TGFBRAP1: variants seen among roughly 807,000 people sequenced by gnomAD.
The protein encoded by TGFBRAP1 is transforming growth factor beta receptor associated protein 1, also known as transforming growth factor-beta receptor-associated protein 1.
A neutral mutation model predicts 83.2 loss-of-function variants in TGFBRAP1; 20 were observed. That is an observed-to-expected ratio of 0.24 (90% CI 0.17 to 0.35). The LOEUF (loss-of-function observed/expected upper bound fraction) is 0.35, where lower values mean the gene tolerates loss of function less well. Ranked by LOEUF, TGFBRAP1 falls within the 10% of genes least tolerant of loss-of-function variation. The pLI, the probability that TGFBRAP1 is intolerant of heterozygous loss-of-function variation, is 1.00. For missense variants in TGFBRAP1, 950 were observed against 1,099.4 expected (o/e 0.86, Z 1.92); for synonymous variants, 415 against 459.8 (o/e 0.90, Z 1.25).
chr2:105,251,473 T>A, the TGFBRAP1 span, among the ~76,000 whole-genome samples: 406 of 149,870 alleles, frequency 2.7e-3, 3 homozygotes, highest in African/African-American at 9.2e-3. Flanking sequence ...GTCTGAGAAG[T>A]GAGGAGCGTC....
the TGFBRAP1 span, among the ~76,000 whole-genome samples, chr2:105,250,765 T>C: frequency 4.6e-5 from 7 of 152,280 alleles, no homozygotes; most frequent in East Asian, 1.4e-3. Context: ...CTGATTCTCC[T>C]GCCTCAGCCT....
chr2:105,313,820 C>G (rs1678766602), intron 1 of TGFBRAP1, among the ~76,000 whole-genome samples: 1 of 151,676 alleles, frequency 6.6e-6, no homozygotes, highest in Admixed American at 6.6e-5. Flanking sequence ...TCAAAAGATT[C>G]AGAAAAAGCA....
chr2:105,296,093 T>C (rs964772194), intron 4 of TGFBRAP1, among the ~76,000 whole-genome samples: 11 of 152,178 alleles, frequency 7.2e-5, no homozygotes, highest in African/African-American at 2.7e-4. Flanking sequence ...CAAGCCTATA[T>C]CTAAAATAGC....
In TGFBRAP1 at chr2:105,267,254, G is replaced by C; in HGVS notation, c.*129C>G. 2.3e-6 allele frequency: 3 copies of C among 1,278,658 alleles called. No homozygotes were observed. The highest frequency in any genetic ancestry group is 3.2e-6 in the Non-Finnish European group (3 of 940,180). The allele number at this position is 1,278,658 out of a possible 1,614,324, so 79.2% of individuals were successfully genotyped here. ...GAGGAGTCCTTGTTGCGTATGGACG[G>C]AAGGCTCCCTGGCACCCAGATGTCT... is the stretch of plus-strand genomic sequence containing the variant. On this transcript the variant is annotated 3_prime_UTR_variant, in exon 12 of 12. Transcript: ENST00000393359.
chr2:105,272,775 C>T (rs889740886), intron 10 of TGFBRAP1, 80 bp downstream of exon 10: 38 of 1,561,818 alleles, frequency 2.4e-5, no homozygotes, highest in African/African-American at 6.9e-5. Context: ...GCAGCTGTGC[C>T]AAAGCCCTTC....
Position 105,269,578 on chromosome 2 carries a change from G to A in TGFBRAP1, c.2100C>T (p.Cys700=), listed in dbSNP as rs1428941837. Residue 700 remains cysteine (C), a synonymous_variant, in exon 11 of 12, where the codon TGC becomes TGT. Coordinates refer to ENST00000393359, the MANE Select transcript of TGFBRAP1 (RefSeq NM_004257.6). The surrounding 1 kb of genome is among the most constrained non-coding windows in gnomAD (Gnocchi z 4.1). ...GGTCTCGGCCCTCGGAGCACCACAG[G>A]CAGTAGTCCTCGGCCGCTGCAAAGT... ...LQDFAAAEDY[C]LWCSEGRDPP... 6.2e-7 allele frequency: 1 copy of A among 1,611,184 alleles called. No homozygotes were observed. The highest frequency in any genetic ancestry group is 2.2e-5 in the East Asian group (1 of 44,780).
At chr2:105,290,964 G>A (rs1012194235) in intron 4 of TGFBRAP1, among the ~76,000 whole-genome samples, 5 of 152,028 alleles carry the variant, frequency 3.3e-5, no homozygotes, top group East Asian at 1.9e-4. Flanking sequence ...GCGAGATTGC[G>A]CCACTGCACT....
intron 11 of TGFBRAP1, 173 bp from the exon 12 acceptor site, chr2:105,267,732 C>A: frequency 1.0e-6 from 1 of 985,436 alleles, no homozygotes; most frequent in Non-Finnish European, 1.2e-6. Context: ...ATAAAACCAT[C>A]CTTAGTAACT....
intron 4 of TGFBRAP1, among the ~76,000 whole-genome samples, chr2:105,291,063 G>A (rs955094838): frequency 1.3e-5 from 2 of 152,274 alleles, no homozygotes; most frequent in African/African-American, 4.8e-5. Context: ...GGTGGTGGCT[G>A]TTACGGACGG....
At chr2:105,327,534 C>T (rs1364461990) in intron 1 of TGFBRAP1, among the ~76,000 whole-genome samples, 1 of 152,156 alleles carries the variant, frequency 6.6e-6, no homozygotes, top group Non-Finnish European at 1.5e-5. Context: ...CACCACTGCA[C>T]TCCAGCCTGG....
intron 4 of TGFBRAP1, among the ~76,000 whole-genome samples, chr2:105,294,837 G>C (rs140128067): frequency 2.0e-5 from 3 of 152,266 alleles, no homozygotes; most frequent in Non-Finnish European, 4.4e-5. Context: ...AATGCTACAC[G>C]CTTAAAATGT....
chr2:105,327,959 G>T (rs1327911023), intron 1 of TGFBRAP1, among the ~76,000 whole-genome samples: 1 of 152,164 alleles, frequency 6.6e-6, no homozygotes, highest in Non-Finnish European at 1.5e-5. Context: ...CATTTGTTAG[G>T]TTAACAATTA....
chr2:105,269,848 C>T lies in TGFBRAP1; in HGVS notation c.1973-143G>A, dbSNP rs1370681939. On this transcript the variant is annotated intron_variant, in intron 10 of 11. Transcript: ENST00000393359. The surrounding 1 kb of genome is among the most constrained non-coding windows in gnomAD (Gnocchi z 4.1). The stretch of plus-strand genomic sequence containing the variant: ...ATGCCAAATGCTGCCACCCAGATGA[C>T]TGAGGGTAGGTTTTCTTGCATTTTC... 1 of 886,364 alleles carries T rather than the reference C, an allele frequency of 1.1e-6. No individual in the cohort carries two copies. Among genetic ancestry groups the T allele is most frequent in the East Asian group, 2.8e-5 (1 of 36,084 alleles). 54.9% of individuals were successfully genotyped at this position (886,364 alleles called of 1,614,324 possible). A position where few individuals can be genotyped will look rare whatever the true frequency, so the allele number is the denominator to read the frequency against.
intron 4 of TGFBRAP1, among the ~76,000 whole-genome samples, chr2:105,291,686 T>G (rs534226977): frequency 1.3e-5 from 2 of 152,290 alleles, no homozygotes; most frequent in South Asian, 4.1e-4. Flanking sequence ...ACAAATATTG[T>G]ATGACTTCAC....
In TGFBRAP1 at chr2:105,266,286, C is replaced by A. The variant is rs981361112; in HGVS notation, c.*1097G>T. 6.6e-6 allele frequency: 1 copy of A among 152,210 alleles called. No individual in the cohort carries two copies. Among genetic ancestry groups the A allele is most frequent in the African/African-American group, 2.4e-5 (1 of 41,456 alleles). The allele number at this position is 152,210 out of a possible 1,614,324, so 9.4% of individuals were successfully genotyped here. On this transcript the variant is annotated 3_prime_UTR_variant, in exon 12 of 12. Transcript: ENST00000393359. ...GGAGGCGACACCCCCATCCAGCACA[C>A]GGGCCCTTCCACCCGCTGTCGGTCC...
In TGFBRAP1 at chr2:105,275,623, G is replaced by A; in HGVS notation, c.1602C>T (p.Thr534=). 6.2e-7 allele frequency: 1 copy of A among 1,614,094 alleles called. No individual in the cohort carries two copies. Among genetic ancestry groups the A allele is most frequent in the Non-Finnish European group, 8.5e-7 (1 of 1,180,024 alleles). The part of the protein sequence containing the change: ...DLYEYIVDFL[T]YCLDEELVWA... ...ACACTAGTTCCTCGTCTAAGCAGTAGGTAAGAAAATCCACGATGTATTCAT... is the reference window on the plus strand; with the variant it reads ...ACACTAGTTCCTCGTCTAAGCAGTAAGTAAGAAAATCCACGATGTATTCAT... Residue 534 remains threonine, a synonymous_variant, in exon 8 of 12, where the codon ACC becomes ACT. Transcript: ENST00000393359.
chr2:105,284,111 C>A (rs901953891), intron 5 of TGFBRAP1, among the ~76,000 whole-genome samples: 72 of 152,224 alleles, frequency 4.7e-4, no homozygotes, highest in African/African-American at 1.6e-3. Flanking sequence ...AAGACATAGG[C>A]CAGTTAAATT....
At chr2:105,278,188 C>G (rs1331221539) in intron 6 of TGFBRAP1, among the ~76,000 whole-genome samples, 2 of 151,940 alleles carry the variant, frequency 1.3e-5, no homozygotes, top group Non-Finnish European at 2.9e-5. Flanking sequence ...AAAATATATG[C>G]TCTATCAACT....
chr2:105,318,858 C>T (rs977418880), intron 1 of TGFBRAP1, among the ~76,000 whole-genome samples: 6 of 152,178 alleles, frequency 3.9e-5, no homozygotes, highest in African/African-American at 1.4e-4. Flanking sequence ...TTCTGTGAGG[C>T]TAGCCCCTTA....
Sources: allele counts gnomAD v4.1 joint callset (sites outside exome capture counted in the v4.1 genomes callset), GRCh38; gene constraint gnomAD v4.1.1; non-coding constraint Gnocchi (gnomAD v3.1); transcripts MANE v1.5; gene names NCBI Gene and HGNC (gene_info 2026-07-23, HGNC 2026-07-21).